ENTREP1: variants seen among roughly 807,000 people sequenced by gnomAD.
ENTREP1 encodes Friedreich ataxia region gene X123.
At chr9:69,352,350 C>T in the ENTREP1 span, among the ~76,000 whole-genome samples, 1 of 152,128 alleles carries the variant, frequency 6.6e-6, no homozygotes. Context: ...AACTCCTAAC[C>T]TCAGGTGATC....
chr9:69,358,351 A>G, the ENTREP1 span, among the ~76,000 whole-genome samples: 1 of 152,216 alleles, frequency 6.6e-6, no homozygotes, highest in Admixed American at 6.5e-5. Context: ...GTAAGAATAT[A>G]TGATACCTGT....
the ENTREP1 span, chr9:69,325,147 G>C: frequency 1.9e-6 from 2 of 1,037,524 alleles, no homozygotes; most frequent in Non-Finnish European, 2.3e-6. Flanking sequence ...GGCAGCGGCA[G>C]CGGCGGCAGC....
chr9:69,341,042 A>T, the ENTREP1 span, among the ~76,000 whole-genome samples: 3 of 152,120 alleles, frequency 2.0e-5, no homozygotes, highest in Non-Finnish European at 2.9e-5. Flanking sequence ...TTTTAAAAAA[A>T]TTTTTCTTTG....
At chr9:69,388,554 A>C in the ENTREP1 span, 1 of 893,902 alleles carries the variant, frequency 1.1e-6, no homozygotes, top group Non-Finnish European at 1.6e-6. Context: ...GTTCATGGTC[A>C]CAGTCTTCAG....
the ENTREP1 span, among the ~76,000 whole-genome samples, chr9:69,340,811 GTA>G: frequency 0.023 from 1,302 of 55,982 alleles, 61 homozygotes; most frequent in African/African-American, 0.058. Context: ...ATGTGTGTGT[GTA>G]TGTGTGTGTG....
the ENTREP1 span, chr9:69,380,861 C>T: frequency 1.3e-5 from 2 of 152,758 alleles, no homozygotes; most frequent in African/African-American, 4.8e-5. Context: ...CCCCCCAAAC[C>T]CCACTCATTT....
the ENTREP1 span, among the ~76,000 whole-genome samples, chr9:69,349,511 T>C: frequency 6.6e-6 from 1 of 152,350 alleles, no homozygotes; most frequent in South Asian, 2.1e-4. Context: ...TTTGATTTGA[T>C]GTTCAACATC....
chr9:69,365,297 A>G, the ENTREP1 span, among the ~76,000 whole-genome samples: 1 of 152,150 alleles, frequency 6.6e-6, no homozygotes, highest in Non-Finnish European at 1.5e-5. Context: ...TTCTATCAGT[A>G]TAGATTACTT....
At chr9:69,330,297 T>A in the ENTREP1 span, among the ~76,000 whole-genome samples, 1 of 152,216 alleles carries the variant, frequency 6.6e-6, no homozygotes, top group Non-Finnish European at 1.5e-5. Context: ...ACAAAATTCC[T>A]ACCTTTGATG....
chr9:69,343,680 T>C, the ENTREP1 span, among the ~76,000 whole-genome samples: 1 of 152,200 alleles, frequency 6.6e-6, no homozygotes, highest in African/African-American at 2.4e-5. Flanking sequence ...ATACCTTTAA[T>C]ATAAACAATT....
At chr9:69,362,747 CA>C in the ENTREP1 span, among the ~76,000 whole-genome samples, 2 of 152,238 alleles carry the variant, frequency 1.3e-5, no homozygotes, top group Admixed American at 6.5e-5. Context: ...TCTGGGTGGG[CA>C]CCATCTAATC....
the ENTREP1 span, among the ~76,000 whole-genome samples, chr9:69,340,140 G>T: frequency 6.6e-6 from 1 of 152,136 alleles, no homozygotes; most frequent in Admixed American, 6.5e-5. Flanking sequence ...TCTCTCACTT[G>T]CTTTTGTTCT....
the ENTREP1 span, among the ~76,000 whole-genome samples, chr9:69,337,580 C>T: frequency 6.6e-6 from 1 of 151,972 alleles, no homozygotes; most frequent in Non-Finnish European, 1.5e-5. Context: ...TTCCAATGTT[C>T]ATCCTTTGTT....
chr9:69,388,670 C>T, the ENTREP1 span, among the ~76,000 whole-genome samples: 1 of 152,056 alleles, frequency 6.6e-6, no homozygotes, highest in South Asian at 2.1e-4. Flanking sequence ...GGAAGAGAAC[C>T]CAGTTTTTCT....
At chr9:69,383,168 G>C in the ENTREP1 span, 3 of 941,606 alleles carry the variant, frequency 3.2e-6, no homozygotes, top group Non-Finnish European at 3.8e-6. Context: ...TTTAAATAGA[G>C]GTGAAACTCA....
chr9:69,350,884 T>C, the ENTREP1 span, among the ~76,000 whole-genome samples: 1 of 152,232 alleles, frequency 6.6e-6, no homozygotes. Flanking sequence ...TGGAAGCTTT[T>C]AAGATCTTTT....
At chr9:69,343,487 C>T in the ENTREP1 span, among the ~76,000 whole-genome samples, 1 of 152,114 alleles carries the variant, frequency 6.6e-6, no homozygotes, top group African/African-American at 2.4e-5. Flanking sequence ...CATCCAGGCT[C>T]CTGAGTGAAG....
chr9:69,377,359 C>G, the ENTREP1 span: 3 of 1,553,238 alleles, frequency 1.9e-6, no homozygotes, highest in African/African-American at 4.1e-5. Context: ...GCCATTGTTT[C>G]CTTGCCCCAG....
chr9:69,385,424 A>G, the ENTREP1 span, among the ~76,000 whole-genome samples: 1 of 152,192 alleles, frequency 6.6e-6, no homozygotes, highest in Non-Finnish European at 1.5e-5. Context: ...CCCCAGAACC[A>G]GGCTTATCCT....
Sources: allele counts gnomAD v4.1 joint callset (sites outside exome capture counted in the v4.1 genomes callset), GRCh38; gene constraint gnomAD v4.1.1; transcripts MANE v1.5; gene names NCBI Gene and HGNC (gene_info 2026-07-23, HGNC 2026-07-21).